NPAS3: variants seen among roughly 807,000 people sequenced by gnomAD.
The protein encoded by NPAS3 is neuronal PAS domain-containing protein 3.
In NPAS3, 14 loss-of-function variants were observed where a neutral mutation model predicts 73.1. The observed-to-expected ratio is 0.19, with a 90% CI of 0.13 to 0.30. The LOEUF (loss-of-function observed/expected upper bound fraction) is 0.30, where lower values mean the gene tolerates loss of function less well. Ranked by LOEUF, NPAS3 falls within the 10% of genes least tolerant of loss-of-function variation. The pLI is 1.00. For synonymous variants in NPAS3, 620 were observed against 541.5 expected (o/e 1.14, Z -2.01); for missense variants, 1,096 against 1,250.0 (o/e 0.88, Z 1.86).
At chr14:33,687,446 T>C (rs934019630) in intron 6 of NPAS3, among the ~76,000 whole-genome samples, 6 of 152,120 alleles carry the variant, frequency 3.9e-5, no homozygotes, top group Admixed American at 2.0e-4. Context: ...AACAAGAACA[T>C]TCATAAAACT....
intron 4 of NPAS3, among the ~76,000 whole-genome samples, chr14:33,401,668 A>G (rs6571598): frequency 0.029 from 4,421 of 152,224 alleles, 198 homozygotes; most frequent in African/African-American, 0.1. Context: ...ACTGTTAAGT[A>G]CTTAATATTG....
At position 33,009,069 on chromosome 14, in the gene NPAS3, A is replaced by C. The variant is rs187627485; in HGVS notation, c.51-46836A>C. ...GAGTCCAGACCCAGACTGGATAACA[A>C]CGTAAAAATAATCTTGTTTATAGGT... On this transcript the variant is annotated intron_variant, in intron 1 of 11. Transcript: ENST00000356141. Among the ~76,000 whole-genome samples the C allele has an allele frequency of 3.5e-3, 536 of 152,316 alleles. 3 individuals are homozygous for C. The highest frequency in any genetic ancestry group is 0.012 in the African/African-American group (516 of 41,576).
chr14:33,031,603 C>A (rs561057715), intron 1 of NPAS3, among the ~76,000 whole-genome samples: 1 of 152,188 alleles, frequency 6.6e-6, no homozygotes, highest in Non-Finnish European at 1.5e-5. Context: ...AGTGATCATT[C>A]CACTTCAGCC....
intron 4 of NPAS3, among the ~76,000 whole-genome samples, chr14:33,394,360 A>C (rs530548123): frequency 6.6e-6 from 1 of 152,272 alleles, no homozygotes; most frequent in Admixed American, 6.5e-5. Context: ...CACGGTATAT[A>C]TTTCTTTTCC....
At chr14:32,943,384 T>A (rs557580690) in intron 1 of NPAS3, among the ~76,000 whole-genome samples, 1 of 152,322 alleles carries the variant, frequency 6.6e-6, no homozygotes, top group East Asian at 1.9e-4. Flanking sequence ...TGAATTTTGA[T>A]CTTCCCCTGT....
chr14:33,701,446 T>C (rs879513948), intron 6 of NPAS3, among the ~76,000 whole-genome samples: 10 of 152,208 alleles, frequency 6.6e-5, no homozygotes, highest in Admixed American at 6.5e-5. Context: ...TGTGAGTCAT[T>C]GTTCTTGAAA....
intron 4 of NPAS3, among the ~76,000 whole-genome samples, chr14:33,496,789 C>T (rs570090588): frequency 6.6e-6 from 1 of 152,210 alleles, no homozygotes; most frequent in Non-Finnish European, 1.5e-5. Flanking sequence ...AAAATTGGCA[C>T]AAGACAAGGA....
rs138988547 is a variant in NPAS3 at position 33,543,540 on chromosome 14, A to G, written c.469-16581A>G. Among the ~76,000 whole-genome samples the G allele has an allele frequency of 4.5e-3, 685 of 152,226 alleles. 5 individuals are homozygous for G. Among genetic ancestry groups the G allele is most frequent in the African/African-American group, 0.016 (644 of 41,546 alleles). On this transcript the variant is annotated intron_variant, in intron 4 of 11. Coordinates refer to ENST00000356141, the Ensembl canonical transcript of NPAS3. ...GGCATAGAAGAATTCCTTGAGGGAA[A>G]GAGTGGCCCAGGAGTCACCCTTTGT...
At chr14:33,349,201 G>A (rs182162336) in intron 3 of NPAS3, among the ~76,000 whole-genome samples, 2 of 152,182 alleles carry the variant, frequency 1.3e-5, no homozygotes, top group East Asian at 3.9e-4. Context: ...TGAATGTGTT[G>A]GTAGGAATTT....
chr14:33,670,959 C>G, intron 5 of NPAS3, among the ~76,000 whole-genome samples: 1 of 146,214 alleles, frequency 6.8e-6, no homozygotes, highest in East Asian at 2.1e-4. Context: ...AGCTTTATGA[C>G]ATTCTACCTT....
At chr14:33,498,935 AGTGTGT>A (rs3058422) in intron 4 of NPAS3, among the ~76,000 whole-genome samples, 4,214 of 94,754 alleles carry the variant, frequency 0.044, 78 homozygotes, top group South Asian at 0.069. Context: ...ACAGAGAGAG[AGTGTGT>A]GTGTGTGTGT....
At chr14:33,556,239 T>C (rs1306104351) in intron 4 of NPAS3, among the ~76,000 whole-genome samples, 1 of 152,134 alleles carries the variant, frequency 6.6e-6, no homozygotes, top group Non-Finnish European at 1.5e-5. Flanking sequence ...CACAATCCCC[T>C]TTAGTGAGGA....
At chr14:33,233,539 A>G (rs1466462085) in intron 3 of NPAS3, among the ~76,000 whole-genome samples, 1 of 152,156 alleles carries the variant, frequency 6.6e-6, no homozygotes, top group African/African-American at 2.4e-5. Flanking sequence ...AAAAAGGATA[A>G]AAAGAAAACA....
rs184600538 is a variant in NPAS3, at chr14:33,096,251, T to G, written c.140+40257T>G. 4.7e-3 allele frequency among the ~76,000 whole-genome samples: 711 copies of G among 152,270 alleles called. 5 individuals carry two copies. Among genetic ancestry groups the G allele is most frequent in the African/African-American group, 0.013 (528 of 41,546 alleles). ...AGTTCTTCTCTCAAAATCTGCCCCC[T>G]TTCTGCCATTGCTAATTGAACTGTG... On this transcript the variant is annotated intron_variant, in intron 2 of 11. Transcript: ENST00000356141.
chr14:33,511,383 C>A (rs550412497), intron 4 of NPAS3, among the ~76,000 whole-genome samples: 1 of 152,084 alleles, frequency 6.6e-6, no homozygotes, highest in African/African-American at 2.4e-5. Flanking sequence ...TGATCCCTTT[C>A]GGCAGGTTTC....
intron 3 of NPAS3, among the ~76,000 whole-genome samples, chr14:33,296,359 C>T (rs1256815541): frequency 6.6e-6 from 1 of 152,204 alleles, no homozygotes; most frequent in African/African-American, 2.4e-5. Flanking sequence ...CATACACGGC[C>T]ACCTTACTCA....
intron 4 of NPAS3, among the ~76,000 whole-genome samples, chr14:33,385,998 G>A (rs2046759033): frequency 6.6e-6 from 1 of 152,106 alleles, no homozygotes; most frequent in African/African-American, 2.4e-5. Flanking sequence ...ATTGTAGGAA[G>A]GAAGTTGTAG....
intron 2 of NPAS3, among the ~76,000 whole-genome samples, chr14:33,067,148 C>A (rs183820676): frequency 1.3e-5 from 2 of 152,332 alleles, no homozygotes; most frequent in East Asian, 3.9e-4. Context: ...CACTTCTTCC[C>A]TTTTCAACTG....
intron 1 of NPAS3, among the ~76,000 whole-genome samples, chr14:32,964,204 A>T (rs2037054386): frequency 7.1e-6 from 1 of 141,510 alleles, no homozygotes; most frequent in Non-Finnish European, 1.5e-5. Flanking sequence ...TAATTAATTT[A>T]GTATTTGCTA....
Sources: allele counts gnomAD v4.1 joint callset (sites outside exome capture counted in the v4.1 genomes callset), GRCh38; gene constraint gnomAD v4.1.1; transcripts MANE v1.5; gene names NCBI Gene and HGNC (gene_info 2026-07-23, HGNC 2026-07-21).